Variants in CC2D2A observed in about 807,000 individuals in gnomAD.
The protein encoded by CC2D2A is coiled-coil and C2 domain containing 2A, also known as coiled-coil and C2 domain-containing protein 2A.
In CC2D2A, 155 loss-of-function variants were observed where a neutral mutation model predicts 212.9. That is an observed-to-expected ratio of 0.73 (90% CI 0.64 to 0.83). The LOEUF (loss-of-function observed/expected upper bound fraction) is 0.83, where lower values mean the gene tolerates loss of function less well. Among genes scored for constraint, CC2D2A ranks in the 40% least tolerant of loss-of-function variants. The pLI is 0.00. For synonymous variants in CC2D2A, 667 were observed against 686.5 expected, an observed-to-expected ratio of 0.97 and a Z score of 0.44; for missense variants, 1,856 against 1,956.2, an observed-to-expected ratio of 0.95 and a Z score of 0.97.
rs542758655 is a variant in CC2D2A, at chr4:15,587,387, G to A, written c.4066-429G>A. Reference sequence around the variant, plus strand: ...GGGACCCTTGCTCTAGAGCTAGACTGGCTTTACTACTTCCTAAGTGTTACC... The same window carrying A: ...GGGACCCTTGCTCTAGAGCTAGACTAGCTTTACTACTTCCTAAGTGTTACC... On this transcript the variant is annotated intron_variant, in intron 31 of 36. Transcript: ENST00000424120. 5.9e-5 allele frequency among the ~76,000 whole-genome samples: 9 copies of A among 152,276 alleles called. No homozygotes were observed. The South Asian group carries it at 1.9e-3, about 32-fold the overall frequency.
At chr4:15,599,787 T>C in intron 36 of CC2D2A, 81 bp downstream of exon 36, 1 of 1,118,008 alleles carries the variant, frequency 8.9e-7, no homozygotes, top group Non-Finnish European at 1.2e-6. Context: ...GTTTCTGGAA[T>C]CAAAAGACCC....
intron 16 of CC2D2A, among the ~76,000 whole-genome samples, chr4:15,539,118 C>A (rs1321337278): frequency 2.0e-5 from 3 of 151,962 alleles, no homozygotes; most frequent in Non-Finnish European, 4.4e-5. Flanking sequence ...TAAAAACTAG[C>A]CAGATAATTA....
Position 15,601,359 on chromosome 4 carries a change from A to C in CC2D2A, c.4797A>C (p.Ile1599=). 1.2e-6 allele frequency: 2 copies of C among 1,600,666 alleles called. No individual in the cohort carries two copies. The highest frequency in any genetic ancestry group is 1.7e-6 in the Non-Finnish European group (2 of 1,171,942). ...PNVEFALAVY[I]HPYPKNVLSV... is the part of the protein sequence containing the mutation. ...TTGAATTTGCTTTAGCTGTATACAT[A>C]CACCCATACCCCAAAAATGTTTTGT... The change falls in exon 37 of 37, where the codon ATA becomes ATC. Residue 1599 remains isoleucine (I), a synonymous_variant. Coordinates refer to ENST00000424120, the MANE Select transcript of CC2D2A (RefSeq NM_001378615.1).
At position 15,587,795 on chromosome 4, in the gene CC2D2A, ATTT is replaced by A; in HGVS notation, c.4066-14_4066-12del. 7.6e-7 allele frequency: 1 copy of A among 1,319,116 alleles called. No homozygotes were observed. Among genetic ancestry groups the A allele is most frequent in the Non-Finnish European group, 1.1e-6 (1 of 916,002 alleles). The allele number at this position is 1,319,116 out of a possible 1,614,324, so 81.7% of individuals were successfully genotyped here. A position where few individuals can be genotyped will look rare whatever the true frequency, so the allele number is the denominator to read the frequency against. ...ATAAAGCATTGAGTCATACAACATA[ATTT>A]TTTTTTCTTTTTGTCAGCAATTTCT... On this transcript the variant is annotated intron_variant, in intron 31 of 36. Coordinates refer to ENST00000424120, the MANE Select transcript of CC2D2A (RefSeq NM_001378615.1).
chr4:15,506,742 C>A (rs1716276023), intron 6 of CC2D2A, among the ~76,000 whole-genome samples: 1 of 152,136 alleles, frequency 6.6e-6, no homozygotes, highest in South Asian at 2.1e-4. Context: ...GCCTTACTGA[C>A]CAAGCACAGG....
intron 4 of CC2D2A, chr4:15,481,204 G>T: frequency 2.2e-6 from 1 of 456,534 alleles, no homozygotes; most frequent in Non-Finnish European, 4.4e-6. Flanking sequence ...CAGGAGAGCT[G>T]GTTGTTAAAA....
chr4:15,548,626 C>A (rs941880782), intron 17 of CC2D2A, among the ~76,000 whole-genome samples: 1 of 151,332 alleles, frequency 6.6e-6, no homozygotes, highest in Admixed American at 6.6e-5. Context: ...GAAAACACAT[C>A]ATTTTCTTGG....
chr4:15,557,328 G>C lies in CC2D2A; in HGVS notation c.2650G>C (p.Val884Leu). ...ISVATSGESY[V>L]PDFFRLEQLQ... Reference sequence around the variant, plus strand: ...GGTTGCTACCAGTGGTGAATCCTATGTCCCTGATTTCTTTAGACTGGAGCA... The same window carrying C: ...GGTTGCTACCAGTGGTGAATCCTATCTCCCTGATTTCTTTAGACTGGAGCA... The change falls in exon 21 of 37, where the codon GTC becomes CTC. Residue 884 changes from valine to leucine, a missense_variant. By Grantham distance (32) the Val-to-Leu change is conservative. Around this residue, in one of 5 missense-constraint regions of CC2D2A, gnomAD observed 1,512 missense variants for 1,579.3 expected, o/e 0.96. Coordinates refer to ENST00000424120, the MANE Select transcript of CC2D2A (RefSeq NM_001378615.1). 6.2e-7 allele frequency: 1 copy of C among 1,613,140 alleles called. No homozygotes were observed. Among genetic ancestry groups the C allele is most frequent in the South Asian group, 1.1e-5 (1 of 90,948 alleles).
chr4:15,564,914 C>T (rs1349683592), intron 24 of CC2D2A, among the ~76,000 whole-genome samples: 3 of 151,830 alleles, frequency 2.0e-5, no homozygotes, highest in South Asian at 2.1e-4. Flanking sequence ...TGGCCTCAAG[C>T]GATCCTCCTG....
intron 8 of CC2D2A, among the ~76,000 whole-genome samples, chr4:15,513,205 T>C (rs1463036339): frequency 6.6e-6 from 1 of 152,228 alleles, no homozygotes; most frequent in African/African-American, 2.4e-5. Flanking sequence ...CATTCAACAT[T>C]GCTTGAGTGT....
At chr4:15,552,876 A>G (rs1427951965) in intron 18 of CC2D2A, among the ~76,000 whole-genome samples, 1 of 152,242 alleles carries the variant, frequency 6.6e-6, no homozygotes, top group Non-Finnish European at 1.5e-5. Context: ...ACTATGGCTC[A>G]GAAAGTTAAC....
At chr4:15,598,996 T>C (rs1043460690) in intron 35 of CC2D2A, among the ~76,000 whole-genome samples, 1 of 151,062 alleles carries the variant, frequency 6.6e-6, no homozygotes, top group Admixed American at 6.6e-5. Context: ...CTTGTCTCTA[T>C]AAAAAAGAAA....
In CC2D2A at chr4:15,541,587, G is replaced by T. The variant is rs546357297; in HGVS notation, c.2181+573G>T. Reference sequence around the variant, plus strand: ...TTGAGATGGGAGAGGGGTGCTGAAGGGGGTGGGGCACAGGGAGATCTCCAG... The same window carrying T: ...TTGAGATGGGAGAGGGGTGCTGAAGTGGGTGGGGCACAGGGAGATCTCCAG... On this transcript the variant is annotated intron_variant, in intron 17 of 36. Transcript: ENST00000424120. 1.6e-4 allele frequency among the ~76,000 whole-genome samples: 25 copies of T among 152,130 alleles called. 1 individual carries two copies. In the East Asian group the frequency reaches 1.9e-3, roughly 12 times the overall value.
intron 1 of CC2D2A, among the ~76,000 whole-genome samples, chr4:15,474,884 TA>T (rs762966793): frequency 3.9e-5 from 6 of 152,000 alleles, no homozygotes; most frequent in Non-Finnish European, 8.8e-5. Flanking sequence ...ACCCCAAAAA[TA>T]AAAAAACAAA....
chr4:15,478,891 G>C, intron 3 of CC2D2A, 85 bp downstream of exon 3: 1 of 1,152,528 alleles, frequency 8.7e-7, no homozygotes, highest in Non-Finnish European at 1.3e-6. Context: ...GAATCCACAA[G>C]GGCAGCCTTC....
chr4:15,570,582 C>A, intron 28 of CC2D2A, 86 bp downstream of exon 28: 2 of 893,568 alleles, frequency 2.2e-6, no homozygotes, highest in Non-Finnish European at 3.5e-6. Context: ...GGGCCAGGCG[C>A]GGTGGCTCAT....
At chr4:15,580,314 T>C (rs1331536450) in intron 30 of CC2D2A, 143 bp downstream of exon 30, 1 of 712,918 alleles carries the variant, frequency 1.4e-6, no homozygotes, top group Non-Finnish European at 2.3e-6. Context: ...ATTAAAACAT[T>C]TTTATTAACA....
At chr4:15,524,326 T>C (rs1447426671) in intron 11 of CC2D2A, among the ~76,000 whole-genome samples, 7 of 151,972 alleles carry the variant, frequency 4.6e-5, no homozygotes, top group Non-Finnish European at 8.8e-5. Flanking sequence ...AGAGACGGGA[T>C]TTCACCATCT....
intron 17 of CC2D2A, 48 bp downstream of exon 17, chr4:15,541,062 T>G: frequency 2.1e-6 from 3 of 1,444,648 alleles, no homozygotes; most frequent in Non-Finnish European, 2.8e-6. Flanking sequence ...GGCTCATGCC[T>G]GTACTTTGGG....
Sources: allele counts gnomAD v4.1 joint callset (sites outside exome capture counted in the v4.1 genomes callset), GRCh38; gene constraint gnomAD v4.1.1; regional missense constraint gnomAD v4.1.1; transcripts MANE v1.5; gene names NCBI Gene and HGNC (gene_info 2026-07-23, HGNC 2026-07-21).